The following IGSF5 variants were observed in gnomAD, a reference collection of about 807,000 sequenced individuals.
IGSF5 encodes the protein immunoglobulin superfamily member 5, also known as immunoglobulin superfamily 5 like.
Under a neutral mutation model 39.4 loss-of-function variants are expected in IGSF5, and 41 were observed. That is an observed-to-expected ratio of 1.04 (90% CI 0.81 to 1.35). The LOEUF is 1.35. IGSF5 is among the 40% of genes most tolerant of loss of function. The probability of loss-of-function intolerance (pLI) is 0.00; values close to 1 mark genes in which losing one functional copy is unlikely to be tolerated. For synonymous variants in IGSF5, 183 were observed against 175.3 expected, an observed-to-expected ratio of 1.04 and a Z score of -0.34; for missense variants, 487 against 494.6, an observed-to-expected ratio of 0.98 and a Z score of 0.15.
chr21:39,724,415 G>A, the IGSF5 span, among the ~76,000 whole-genome samples: 1 of 152,180 alleles, frequency 6.6e-6, no homozygotes, highest in Non-Finnish European at 1.5e-5. Context: ...ATTCCTACGT[G>A]TTGTGGGAGG....
intron 8 of IGSF5, among the ~76,000 whole-genome samples, chr21:39,799,913 T>A (rs1010090677): frequency 6.6e-6 from 1 of 152,218 alleles, no homozygotes; most frequent in Non-Finnish European, 1.5e-5. Context: ...TTTTCAAAAC[T>A]GTCATATACA....
chr21:39,716,961 A>T, the IGSF5 span, among the ~76,000 whole-genome samples: 306 of 152,318 alleles, frequency 2.0e-3, 4 homozygotes, highest in African/African-American at 6.9e-3. Flanking sequence ...TTACACTCCC[A>T]CTAACAGTGT....
At chr21:39,798,897 C>T (rs2087012802) in intron 8 of IGSF5, among the ~76,000 whole-genome samples, 1 of 152,112 alleles carries the variant, frequency 6.6e-6, no homozygotes, top group African/African-American at 2.4e-5. Flanking sequence ...GCTGGGAATC[C>T]TTTGAAAATT....
intron 3 of IGSF5, among the ~76,000 whole-genome samples, chr21:39,770,072 A>G (rs2080106534): frequency 6.6e-6 from 1 of 152,048 alleles, no homozygotes; most frequent in Non-Finnish European, 1.5e-5. Flanking sequence ...TTCATTTCTT[A>G]GTTCAGTATT....
At chr21:39,755,281 G>A (rs2080023736) in intron 2 of IGSF5, among the ~76,000 whole-genome samples, 1 of 152,048 alleles carries the variant, frequency 6.6e-6, no homozygotes, top group African/African-American at 2.4e-5. Context: ...TGTGTTAATC[G>A]AACCTTAAAA....
intron 5 of IGSF5, among the ~76,000 whole-genome samples, chr21:39,781,965 T>C (rs1034004263): frequency 6.6e-6 from 1 of 152,184 alleles, no homozygotes; most frequent in African/African-American, 2.4e-5. Flanking sequence ...TTATATCTTA[T>C]ATGGTTTCAT....
chr21:39,734,743 G>A, the IGSF5 span, among the ~76,000 whole-genome samples: 1 of 152,100 alleles, frequency 6.6e-6, no homozygotes, highest in African/African-American at 2.4e-5. Flanking sequence ...CTACTTGTAA[G>A]TGATGTTATC....
the IGSF5 span, among the ~76,000 whole-genome samples, chr21:39,731,225 T>C: frequency 6.6e-6 from 1 of 152,154 alleles, no homozygotes; most frequent in Non-Finnish European, 1.5e-5. Flanking sequence ...CACTTCTCTG[T>C]TGAGAGGTCG....
chr21:39,726,900 C>T, the IGSF5 span, among the ~76,000 whole-genome samples: 2 of 151,994 alleles, frequency 1.3e-5, no homozygotes, highest in Non-Finnish European at 2.9e-5. Context: ...ACTGCTTTGA[C>T]CACATATGGA....
At chr21:39,801,235 T>A (rs150645745) in intron 8 of IGSF5, 27 bp from the exon 9 acceptor site, 1 of 1,570,542 alleles carries the variant, frequency 6.4e-7, no homozygotes, top group Admixed American at 1.7e-5. Context: ...ACCCATTAAA[T>A]TGACTTTTTT....
At chr21:39,778,964 AC>A in intron 4 of IGSF5, 125 bp from the exon 5 acceptor site, 1 of 1,101,692 alleles carries the variant, frequency 9.1e-7, no homozygotes, top group South Asian at 1.6e-5. Context: ...TTGGCCTATG[AC>A]GCCTAGCCAT....
intron 2 of IGSF5, among the ~76,000 whole-genome samples, chr21:39,762,463 T>C (rs1284571273): frequency 1.3e-5 from 2 of 152,114 alleles, no homozygotes; most frequent in African/African-American, 4.8e-5. Flanking sequence ...GGGGAATGTC[T>C]GGGTTAAGAT....
intron 3 of IGSF5, among the ~76,000 whole-genome samples, chr21:39,770,185 G>A (rs1056460274): frequency 6.6e-6 from 1 of 152,126 alleles, no homozygotes; most frequent in Admixed American, 6.5e-5. Context: ...CCAATCCTCA[G>A]GTTGTTTTAG....
At chr21:39,774,036 T>C (rs16998436) in intron 4 of IGSF5, among the ~76,000 whole-genome samples, 13,154 of 152,244 alleles carry the variant, frequency 0.086, 618 homozygotes, top group South Asian at 0.16. Flanking sequence ...GCCTTAACGA[T>C]GGTAGCTGGA....
rs933655239 is a variant in IGSF5, at chr21:39,746,227, A to T, written c.29A>T (p.Asp10Val). The change falls in exon 2 of 9, where the codon GAT (aspartate) becomes GTT (valine). Residue 10 changes from aspartate (D) to valine (V), a missense_variant. By Grantham distance (152) the Asp-to-Val change is radical. Transcript: ENST00000380588. ...CCTCACTGGATCAGGAGCACAGCAG[A>T]TACTCTGCCGGATCTGGAGGAATGG... MGQKERSTADTLPDLEEWKS... is the reference protein window; with the variant it reads MGQKERSTAVTLPDLEEWKS... 5.7e-6 allele frequency: 4 copies of T among 701,774 alleles called. No homozygotes were observed. In the African/African-American group the frequency reaches 7.0e-5, roughly 12 times the overall value. The allele number at this position is 701,774 out of a possible 1,614,324, so 43.5% of individuals were successfully genotyped here.
intron 6 of IGSF5, among the ~76,000 whole-genome samples, chr21:39,789,481 C>T (rs892115091): frequency 1.3e-5 from 2 of 152,154 alleles, no homozygotes; most frequent in African/African-American, 4.8e-5. Context: ...GCATTAAGCT[C>T]CAGAGGGATA....
At chr21:39,748,299 A>ATTTTTTTTTTT (rs1569246431) in intron 2 of IGSF5, among the ~76,000 whole-genome samples, 29 of 43,732 alleles carry the variant, frequency 6.6e-4, no homozygotes, top group Non-Finnish European at 1.5e-3. Context: ...AGAAAACAAG[A>ATTTTTTTTTTT]TCTTTTTTTT....
At chr21:39,779,865 C>T (rs943781322) in intron 5 of IGSF5, among the ~76,000 whole-genome samples, 1 of 152,092 alleles carries the variant, frequency 6.6e-6, no homozygotes, top group African/African-American at 2.4e-5. Context: ...CTCATGGAAA[C>T]AGGAGGTAGA....
chr21:39,720,571 C>T, the IGSF5 span, among the ~76,000 whole-genome samples: 1 of 152,122 alleles, frequency 6.6e-6, no homozygotes, highest in Non-Finnish European at 1.5e-5. Context: ...TCATAACTGT[C>T]CTAGTGGCCA....
Sources: gnomAD v4.1 joint callset for allele counts (sites outside exome capture counted in the v4.1 genomes callset) on GRCh38, gnomAD v4.1.1 for gene constraint, MANE v1.5 for transcripts, NCBI Gene and HGNC (gene_info 2026-07-23, HGNC 2026-07-21) for gene names.